The following H2BC18 variants were observed in gnomAD, a reference collection of about 807,000 sequenced individuals.
H2BC18 encodes histone H2B type 2-F.
In H2BC18, 8 loss-of-function variants were observed where a neutral mutation model predicts 6.3. The ratio of observed to expected loss-of-function variants is 1.28; its 90% confidence interval spans 0.75 to 2.31. The LOEUF is 2.31. Among genes scored for constraint, H2BC18 ranks in the 30% most tolerant of loss-of-function variants. The pLI is 0.00. For synonymous variants in H2BC18, 104 were observed against 78.1 expected, an observed-to-expected ratio of 1.33 and a Z score of -1.75; for missense variants, 106 against 174.5, an observed-to-expected ratio of 0.61 and a Z score of 2.21.
At chr1:149,807,524 G>T (rs1173862283), downstream of H2BC18, among the ~76,000 whole-genome samples, 15 of 57,890 alleles carry the variant, frequency 2.6e-4, no homozygotes, top group African/African-American at 9.6e-4. Flanking sequence ...GGGGGGGGGG[G>T]GGCGGGCATG....
downstream of H2BC18, among the ~76,000 whole-genome samples, chr1:149,808,472 TA>T: frequency 6.6e-6 from 1 of 152,324 alleles, no homozygotes; most frequent in South Asian, 2.1e-4. Flanking sequence ...TATGCCAGTT[TA>T]ATTCTCTCTT....
intron 1 of H2BC18, chr1:149,791,671 T>C: frequency 7.4e-7 from 1 of 1,344,496 alleles, no homozygotes; most frequent in Middle Eastern, 2.8e-4. Flanking sequence ...TGACTTCAAC[T>C]GGGATACATT....
chr1:149,805,650 T>G (rs1355944646), intron 1 of H2BC18: 5 of 152,174 alleles, frequency 3.3e-5, no homozygotes, highest in Non-Finnish European at 5.9e-5. Context: ...CCATTTCCCA[T>G]GTACTCAGTT....
chr1:149,786,979 A>C (rs1220330120), intron 1 of H2BC18: 1 of 152,200 alleles, frequency 6.6e-6, no homozygotes, highest in Non-Finnish European at 1.5e-5. Context: ...TCTAAAGTAG[A>C]GCATCCACAA....
At chr1:149,792,504 G>T in intron 1 of H2BC18, 3 of 1,108,948 alleles carry the variant, frequency 2.7e-6, no homozygotes, top group Non-Finnish European at 3.4e-6. Context: ...AAAAAAACAG[G>T]AGGAGTATGA....
chr1:149,807,518 G>A (rs587750118), downstream of H2BC18, among the ~76,000 whole-genome samples: 8 of 59,228 alleles, frequency 1.4e-4, no homozygotes, highest in Admixed American at 1.4e-3. Context: ...TGGCGGGGGG[G>A]GGGGGGGGCG....
At chr1:149,791,939 G>GACAA (rs2091722978) in intron 1 of H2BC18, 1 of 183,418 alleles carries the variant, frequency 5.5e-6, no homozygotes, top group African/African-American at 3.2e-5. Context: ...TAGACAATAA[G>GACAA]GAAGGAAATA....
chr1:149,810,708 A>C (rs1208668859), downstream of H2BC18: 1 of 152,158 alleles, frequency 6.6e-6, no homozygotes, highest in Non-Finnish European at 1.5e-5. Context: ...TCTACACCAC[A>C]AATTCCCCTC....
At chr1:149,786,030 C>T (rs1484166118) in intron 1 of H2BC18, 7 of 151,892 alleles carry the variant, frequency 4.6e-5, no homozygotes, top group Non-Finnish European at 8.8e-5. Flanking sequence ...CTGAGGGGCT[C>T]GGGTTGCTTC....
chr1:149,798,866 G>A (rs1179687476), intron 1 of H2BC18, among the ~76,000 whole-genome samples: 1 of 151,892 alleles, frequency 6.6e-6, no homozygotes, highest in Non-Finnish European at 1.5e-5. Flanking sequence ...TCCTGCCTCA[G>A]CTTCCCAAAG....
intron 1 of H2BC18, among the ~76,000 whole-genome samples, chr1:149,806,249 TAAAC>T (rs2091915655): frequency 6.6e-6 from 1 of 152,054 alleles, no homozygotes; most frequent in African/African-American, 2.4e-5. Context: ...CATTCAGAAA[TAAAC>T]AAATAAATAC....
downstream of H2BC18, among the ~76,000 whole-genome samples, chr1:149,809,177 A>T: frequency 9.3e-6 from 1 of 107,006 alleles, no homozygotes. Context: ...CTGATACTAC[A>T]CACCTTTTGT....
At chr1:149,785,904 T>G (rs1219909311) in intron 1 of H2BC18, 2 of 152,116 alleles carry the variant, frequency 1.3e-5, no homozygotes, top group African/African-American at 4.8e-5. Context: ...TGGGACAGGA[T>G]GTACTCTTTT....
chr1:149,809,966 A>G (rs2091956471), downstream of H2BC18, among the ~76,000 whole-genome samples: 1 of 150,796 alleles, frequency 6.6e-6, no homozygotes, highest in Non-Finnish European at 1.5e-5. Context: ...AGAACAAGTG[A>G]AGAAGGTAAG....
At chr1:149,785,420 T>G (rs1174241521) in intron 1 of H2BC18, among the ~76,000 whole-genome samples, 11 of 135,162 alleles carry the variant, frequency 8.1e-5, no homozygotes, top group Non-Finnish European at 1.6e-4. Flanking sequence ...TTTTTTTTTT[T>G]TTTTTTTTTT....
chr1:149,784,040 G>C (rs1227555825), intron 1 of H2BC18: 6 of 1,609,356 alleles, frequency 3.7e-6, no homozygotes, highest in African/African-American at 2.7e-5. Context: ...AGCCTCCATG[G>C]GTCAGCGTGT....
chr1:149,796,243 T>C (rs2091798926), intron 1 of H2BC18, among the ~76,000 whole-genome samples: 1 of 152,114 alleles, frequency 6.6e-6, no homozygotes, highest in African/African-American at 2.4e-5. Context: ...AAAGAATAAA[T>C]TGTGGAGAGG....
chr1:149,792,226 C>T (rs1553752022), intron 1 of H2BC18: 1 of 175,532 alleles, frequency 5.7e-6, no homozygotes, highest in Non-Finnish European at 1.2e-5. Context: ...TGTAACTGTT[C>T]TGTTTGTTTA....
intron 1 of H2BC18, chr1:149,790,468 C>G (rs1489207652): frequency 4.6e-5 from 67 of 1,466,914 alleles, no homozygotes; most frequent in Non-Finnish European, 5.9e-5. Context: ...AGCCCACAAG[C>G]AGGCCTTTCC....
Sources: allele counts gnomAD v4.1 joint callset (sites outside exome capture counted in the v4.1 genomes callset), GRCh38; gene constraint gnomAD v4.1.1; transcripts MANE v1.5; gene names NCBI Gene and HGNC (gene_info 2026-07-23, HGNC 2026-07-21).